HGF: variants seen among roughly 807,000 people sequenced by gnomAD.
The protein encoded by HGF is hepatocyte growth factor.
Under a neutral mutation model 111.6 loss-of-function variants are expected in HGF, and 39 were observed. The ratio of observed to expected loss-of-function variants is 0.35; its 90% CI spans 0.27 to 0.46. The LOEUF (loss-of-function observed/expected upper bound fraction) is 0.46. Among genes scored for constraint, HGF ranks in the 20% least tolerant of loss-of-function variants. The pLI is 1.00. For missense variants in HGF, 735 were observed against 910.5 expected (o/e 0.81, Z 2.48); for synonymous variants, 285 against 294.8 (o/e 0.97, Z 0.34).
chr7:81,733,625 A>G (rs1221255999), intron 7 of HGF, among the ~76,000 whole-genome samples: 5 of 152,122 alleles, frequency 3.3e-5, no homozygotes, highest in Admixed American at 3.3e-4. Flanking sequence ...AATAAAAACT[A>G]CATAATTCTG....
In HGF at chr7:81,705,354, A is replaced by C. The variant is rs553489977; in HGVS notation, c.2010+36T>G. 235 of 1,591,144 alleles carry C rather than the reference A, an allele frequency of 1.5e-4. No homozygotes were observed. The South Asian group carries it at 2.4e-3, about 16-fold the overall frequency. On this transcript the variant is annotated intron_variant, in intron 17 of 17. Coordinates refer to ENST00000222390, the MANE Select transcript of HGF (RefSeq NM_000601.6). ...AATAAACATGAAACACTAAGCTATG[A>C]ATCACATACTCCTTATTAAAGAACT...
Position 81,710,250 on chromosome 7 carries a change from C to G in HGF, c.1445-7G>C. The G allele has an allele frequency of 1.3e-6, 2 of 1,581,518 alleles. No individual in the cohort carries two copies. Among genetic ancestry groups the G allele is most frequent in the Non-Finnish European group, 1.7e-6 (2 of 1,150,386 alleles). On this transcript the variant is annotated splice_polypyrimidine_tract_variant and splice_region_variant and intron_variant, in intron 12 of 17. Coordinates refer to ENST00000222390, the MANE Select transcript of HGF (RefSeq NM_000601.6). ...GCACAAGATATTACGGGATCTGAAA[C>G]AGGACCAAACATAACATTTTTTAAA...
chr7:81,761,193 G>A (rs1201027056), intron 2 of HGF, among the ~76,000 whole-genome samples: 1 of 152,142 alleles, frequency 6.6e-6, no homozygotes, highest in Non-Finnish European at 1.5e-5. Flanking sequence ...GAGAGTAGTT[G>A]TCTCTATTTC....
At position 81,743,462 on chromosome 7, in the gene HGF, G is replaced by A; in HGVS notation, c.756C>T (p.Asp252=). The change falls in exon 7 of 18, where the codon GAC becomes GAT. Residue 252 remains aspartate (D), a synonymous_variant. Transcript: ENST00000222390. ...GGCAATAATTATCATCAAAGCCCTT[G>A]TCGGGATATCTGCAAACCACACCAA... ...RHKFLPERYP[D]KGFDDNYCRN... is the part of the protein sequence containing the mutation. 6.2e-7 allele frequency: 1 copy of A among 1,607,886 alleles called. No homozygotes were observed. The highest frequency in any genetic ancestry group is 8.5e-7 in the Non-Finnish European group (1 of 1,174,360).
intron 10 of HGF, among the ~76,000 whole-genome samples, chr7:81,717,731 T>TA (rs1310829906): frequency 6.6e-6 from 1 of 151,966 alleles, no homozygotes; most frequent in Non-Finnish European, 1.5e-5. Flanking sequence ...ATAAAATACA[T>TA]AAAAAATACA....
rs1188533994 is a variant in HGF, at chr7:81,699,258, T to C, written c.*3323A>G. 4.0e-5 allele frequency: 6 copies of C among 151,522 alleles called. No homozygotes were observed. 9.4% of individuals were successfully genotyped at this position (151,522 alleles called of 1,614,324 possible). A position where few individuals can be genotyped will look rare whatever the true frequency, so the allele number is the denominator to read the frequency against. On this transcript the variant is annotated 3_prime_UTR_variant, in exon 18 of 18. Coordinates refer to ENST00000222390, the MANE Select transcript of HGF (RefSeq NM_000601.6). ...CAGAAACTTTCTGTGCAAATGGAAA[T>C]GAACCTACTTAAAAGTTACACTGTC...
chr7:81,744,186 G>A (rs959291853), intron 6 of HGF, among the ~76,000 whole-genome samples: 4 of 152,168 alleles, frequency 2.6e-5, no homozygotes, highest in South Asian at 2.1e-4. Flanking sequence ...GGTGGGGGAC[G>A]GAATTTCCTG....
chr7:81,745,748 T>C (rs1005785451), intron 5 of HGF, among the ~76,000 whole-genome samples: 1 of 152,242 alleles, frequency 6.6e-6, no homozygotes, highest in South Asian at 2.1e-4. Flanking sequence ...TGGCTTAGGA[T>C]AGAAGATGAC....
At chr7:81,760,689 G>A (rs954637945) in intron 2 of HGF, among the ~76,000 whole-genome samples, 41 of 142,458 alleles carry the variant, frequency 2.9e-4, no homozygotes, top group African/African-American at 1.1e-3. Context: ...GCGTGTGTGT[G>A]TGTGTGTGTG....
chr7:81,724,671 G>A (rs1789959148), intron 9 of HGF, among the ~76,000 whole-genome samples: 1 of 152,136 alleles, frequency 6.6e-6, no homozygotes, highest in African/African-American at 2.4e-5. Context: ...TATTTTGCAT[G>A]CATATGCATG....
intron 6 of HGF, among the ~76,000 whole-genome samples, chr7:81,744,144 G>GA (rs1317249723): frequency 6.6e-6 from 1 of 152,028 alleles, no homozygotes; most frequent in South Asian, 2.1e-4. Flanking sequence ...AAAGAACAAA[G>GA]AAAAAACACC....
chr7:81,750,024 G>A (rs1052663591), intron 5 of HGF, among the ~76,000 whole-genome samples: 1 of 151,844 alleles, frequency 6.6e-6, no homozygotes, highest in African/African-American at 2.4e-5. Context: ...CATTTAATTT[G>A]TATCCATGGA....
At chr7:81,754,590 A>G (rs1788668226) in intron 4 of HGF, among the ~76,000 whole-genome samples, 1 of 152,104 alleles carries the variant, frequency 6.6e-6, no homozygotes. Flanking sequence ...AAATGAAGAG[A>G]AAAGATGGGC....
intron 10 of HGF, among the ~76,000 whole-genome samples, chr7:81,719,602 G>A (rs1462484873): frequency 6.6e-6 from 1 of 152,134 alleles, no homozygotes; most frequent in Non-Finnish European, 1.5e-5. Context: ...TGTAGATACA[G>A]TGGATTAAAT....
At chr7:81,726,661 T>C (rs903415769) in intron 8 of HGF, among the ~76,000 whole-genome samples, 3 of 152,212 alleles carry the variant, frequency 2.0e-5, no homozygotes, top group South Asian at 2.1e-4. Flanking sequence ...AGTTATACTA[T>C]AGAAAAACGA....
chr7:81,743,578 GA>G, intron 6 of HGF, 107 bp from the exon 7 acceptor site: 1 of 795,560 alleles, frequency 1.3e-6, no homozygotes. Context: ...CCTAGCTGGG[GA>G]AAGAGGACGT....
chr7:81,716,107 G>A (rs992581376), intron 11 of HGF, among the ~76,000 whole-genome samples: 10 of 152,078 alleles, frequency 6.6e-5, no homozygotes, highest in African/African-American at 2.4e-4. Flanking sequence ...CTAGACATCA[G>A]TGGTTACCAG....
intron 7 of HGF, among the ~76,000 whole-genome samples, chr7:81,732,394 G>A (rs906824271): frequency 3.3e-5 from 5 of 152,166 alleles, no homozygotes; most frequent in African/African-American, 4.8e-5. Flanking sequence ...ACTTCCTACT[G>A]TAAGGATATG....
intron 1 of HGF, among the ~76,000 whole-genome samples, chr7:81,769,430 C>T (rs1789522132): frequency 2.6e-5 from 4 of 152,130 alleles, no homozygotes; most frequent in African/African-American, 9.7e-5. Flanking sequence ...AATTTGGCTC[C>T]AAATGTTGAC....
Sources: allele counts gnomAD v4.1 joint callset (sites outside exome capture counted in the v4.1 genomes callset), GRCh38; gene constraint gnomAD v4.1.1; transcripts MANE v1.5; gene names NCBI Gene and HGNC (gene_info 2026-07-23, HGNC 2026-07-21).